Variants in MGAM2 observed in about 807,000 individuals in gnomAD.
MGAM2 encodes maltase-glucoamylase 2 (putative), also known as probable maltase-glucoamylase 2.
A neutral mutation model predicts 96.1 loss-of-function variants in MGAM2; 98 were observed. The observed-to-expected ratio is 1.02, with a 90% CI of 0.87 to 1.21. The LOEUF (loss-of-function observed/expected upper bound fraction) is 1.21. Ranked by LOEUF, MGAM2 falls within the 50% of genes most tolerant of loss-of-function variation. The pLI, the probability that MGAM2 is intolerant of heterozygous loss-of-function variation, is 0.00. For missense variants in MGAM2, 2,055 were observed against 1,182.4 expected (o/e 1.74, Z -10.82); for synonymous variants, 749 against 414.8 (o/e 1.81, Z -9.79).
chr7:142,168,395 A>G (rs1197892253), intron 26 of MGAM2, among the ~76,000 whole-genome samples: 2 of 151,592 alleles, frequency 1.3e-5, no homozygotes, highest in African/African-American at 4.8e-5. Context: ...TCAGCCTCCC[A>G]AGTAACTGGG....
chr7:142,153,023 C>A (rs1795627881), intron 15 of MGAM2, among the ~76,000 whole-genome samples: 1 of 147,080 alleles, frequency 6.8e-6, no homozygotes, highest in South Asian at 2.1e-4. Flanking sequence ...TGAGACAGAG[C>A]CTTGCTCTGT....
chr7:142,196,352 C>T lies in MGAM2; in HGVS notation c.4480+65C>T, dbSNP rs535050049. ...GGGCACTGGAGTTTGTGCTGTTCAACAGCACTGGTTATGTCTCTATCATCA... is the reference window on the plus strand; with the variant it reads ...GGGCACTGGAGTTTGTGCTGTTCAATAGCACTGGTTATGTCTCTATCATCA... On this transcript the variant is annotated intron_variant, in intron 38 of 47. Transcript: ENST00000477922. 15 of 674,096 alleles carry T rather than the reference C, an allele frequency of 2.2e-5. No homozygotes were observed. The East Asian group carries it at 4.0e-4, about 18-fold the overall frequency. The allele number at this position is 674,096 out of a possible 1,614,324, so 41.8% of individuals were successfully genotyped here.
At chr7:142,196,021 C>T (rs1797022282) in intron 37 of MGAM2, 133 bp from the exon 38 acceptor site, 1 of 652,296 alleles carries the variant, frequency 1.5e-6, no homozygotes, top group Admixed American at 2.2e-5. Context: ...GGCTTTGAGA[C>T]AGCAGATTCT....
Position 142,219,893 on chromosome 7 carries a change from C to T in MGAM2, c.5382C>T (p.Asp1794=). The T allele has an allele frequency of 4.3e-6, 3 of 701,392 alleles. No individual in the cohort carries two copies. Among genetic ancestry groups the T allele is most frequent in the South Asian group, 3.0e-5 (2 of 67,344 alleles). The allele number at this position is 701,392 out of a possible 1,614,324, so 43.4% of individuals were successfully genotyped here. The change falls in exon 48 of 48, where the codon GAC becomes GAT. Residue 1794 remains aspartate (D), a synonymous_variant. Transcript: ENST00000477922. ...YNQILTIQLT[D]KTINLEKLTE... ...AGATACTAACTATTCAATTGACTGA[C>T]AAGACTATCAACCTGGAAAAGTTAA...
chr7:142,132,414 A>G (rs1471565868), intron 6 of MGAM2, among the ~76,000 whole-genome samples: 1 of 141,722 alleles, frequency 7.1e-6, no homozygotes, highest in African/African-American at 2.6e-5. Context: ...ATATAATAAT[A>G]ATATATTATT....
In MGAM2 at chr7:142,171,350, C is replaced by T. The variant is rs1346506099; in HGVS notation, c.3261C>T (p.Ile1087=). 1 of 703,124 alleles carries T rather than the reference C, an allele frequency of 1.4e-6. No homozygotes were observed. Among genetic ancestry groups the T allele is most frequent in the South Asian group, 1.5e-5 (1 of 67,582 alleles). 43.6% of individuals were successfully genotyped at this position (703,124 alleles called of 1,614,324 possible). A position where few individuals can be genotyped will look rare whatever the true frequency, so the allele number is the denominator to read the frequency against. The change falls in exon 28 of 48, where the codon ATC becomes ATT. Residue 1087 remains isoleucine (I), a synonymous_variant. Coordinates refer to ENST00000477922, the MANE Select transcript of MGAM2 (RefSeq NM_001293626.2). ...CTACGCGTCTGCCGTCCCAGTACAT[C>T]TATGGCTTTGGGGAAACTGAGCACA... The part of the protein sequence containing the change: ...SISTRLPSQY[I]YGFGETEHTT...
chr7:142,186,295 G>A (rs962919440), intron 35 of MGAM2, among the ~76,000 whole-genome samples, 172 bp downstream of exon 35: 1 of 152,136 alleles, frequency 6.6e-6, no homozygotes, highest in African/African-American at 2.4e-5. Flanking sequence ...GATCATTGCT[G>A]ATCTGCCCAG....
intron 46 of MGAM2, among the ~76,000 whole-genome samples, chr7:142,214,466 G>T (rs964584053): frequency 1.3e-5 from 2 of 152,062 alleles, no homozygotes; most frequent in South Asian, 2.1e-4. Context: ...AAAGTCTCAG[G>T]ATACAAAATC....
intron 44 of MGAM2, 95 bp from the exon 45 acceptor site, chr7:142,199,785 T>C (rs1363099137): frequency 2.0e-6 from 1 of 508,084 alleles, no homozygotes; most frequent in Non-Finnish European, 3.5e-6. Context: ...ACATTTCTTT[T>C]ATTTCTAGAT....
intron 31 of MGAM2, among the ~76,000 whole-genome samples, chr7:142,173,575 A>G (rs1025094018): frequency 1.3e-5 from 2 of 152,232 alleles, no homozygotes; most frequent in Non-Finnish European, 2.9e-5. Flanking sequence ...TTACCAAAGT[A>G]ATCAACGTTA....
chr7:142,149,683 G>GGT (rs1795502720), intron 15 of MGAM2, among the ~76,000 whole-genome samples: 1 of 151,916 alleles, frequency 6.6e-6, no homozygotes, highest in Non-Finnish European at 1.5e-5. Context: ...TGGGACTACA[G>GGT]GCAGCTGCCA....
chr7:142,144,724 T>A, intron 13 of MGAM2, 137 bp from the exon 14 acceptor site: 1 of 520,216 alleles, frequency 1.9e-6, no homozygotes, highest in Non-Finnish European at 3.4e-6. Flanking sequence ...GTAAGAAAAA[T>A]TAGGGAGATT....
intron 37 of MGAM2, among the ~76,000 whole-genome samples, chr7:142,195,345 C>CTTTTTTTTTTT (rs1013124747): frequency 1.4e-5 from 1 of 70,040 alleles, no homozygotes; most frequent in African/African-American, 6.1e-5. Flanking sequence ...CCTTTTTACT[C>CTTTTTTTTTTT]TTTTTTTTTT....
rs1797921181 is a variant in MGAM2, at chr7:142,221,326, C to T, written c.6815C>T (p.Pro2272Leu). Residue 2272 changes from proline (P) to leucine (L), a missense_variant, in exon 48 of 48, where the codon CCT (proline) becomes CTT (leucine). By Grantham distance (98) the Pro-to-Leu change is moderately conservative. Coordinates refer to ENST00000477922, the MANE Select transcript of MGAM2 (RefSeq NM_001293626.2). ...FGNSVPFVTT[P>L]SPSTDATTTS... ...AATAGTGTTCCTTTTGTGACTACTC[C>T]TTCTCCAAGTACTGATGCTACTACT... is the stretch of plus-strand genomic sequence containing the variant. 1 of 645,930 alleles carries T rather than the reference C, an allele frequency of 1.5e-6. No homozygotes were observed. Among genetic ancestry groups the T allele is most frequent in the Admixed American group, 2.3e-5 (1 of 43,882 alleles). The allele number at this position is 645,930 out of a possible 1,614,324, so 40.0% of individuals were successfully genotyped here. A position where few individuals can be genotyped will look rare whatever the true frequency, so the allele number is the denominator to read the frequency against.
At chr7:142,163,321 G>A (rs551899580) in intron 23 of MGAM2, among the ~76,000 whole-genome samples, 5 of 152,142 alleles carry the variant, frequency 3.3e-5, no homozygotes, top group Non-Finnish European at 7.4e-5. Context: ...TCACTGTGTT[G>A]CCCAGGCTGG....
At chr7:142,166,740 A>G (rs1169402957) in intron 25 of MGAM2, among the ~76,000 whole-genome samples, 1 of 152,132 alleles carries the variant, frequency 6.6e-6, no homozygotes, top group East Asian at 1.9e-4. Flanking sequence ...TTCACTCATT[A>G]TAGAAGGTCA....
rs185478006 is a variant in MGAM2 at position 142,169,630 on chromosome 7, A to C, written c.3028-445A>C. On this transcript the variant is annotated intron_variant, in intron 26 of 47. Transcript: ENST00000477922. ...ACAGAAGAGAAACTTTAGGAATGGG[A>C]AAGCTGTACAACATCTGGAAGCTCA... is the stretch of plus-strand genomic sequence containing the variant. 5.3e-5 allele frequency among the ~76,000 whole-genome samples: 8 copies of C among 152,268 alleles called. No individual in the cohort carries two copies. In the East Asian group the frequency reaches 1.5e-3, roughly 29 times the overall value.
At chr7:142,218,236 A>G (rs948825665) in intron 46 of MGAM2, 125 bp from the exon 47 acceptor site, 1 of 481,540 alleles carries the variant, frequency 2.1e-6, no homozygotes, top group African/African-American at 2.0e-5. Context: ...AAAAATTTAA[A>G]TACATAAATA....
intron 37 of MGAM2, among the ~76,000 whole-genome samples, chr7:142,195,345 CTTTTTTTTTTT>C (rs1013124747): frequency 5.6e-4 from 39 of 70,042 alleles, no homozygotes; most frequent in African/African-American, 1.9e-3. Context: ...CCTTTTTACT[CTTTTTTTTTTT>C]TTTTTTTTTT....
Sources: allele counts gnomAD v4.1 joint callset (sites outside exome capture counted in the v4.1 genomes callset), GRCh38; gene constraint gnomAD v4.1.1; transcripts MANE v1.5; gene names NCBI Gene and HGNC (gene_info 2026-07-23, HGNC 2026-07-21).